Variants in SORBS3 observed in about 807,000 individuals in gnomAD.
The protein encoded by SORBS3 is sorbin and SH3 domain containing 3.
Under a neutral mutation model 98.0 loss-of-function variants are expected in SORBS3, and 69 were observed. The ratio of observed to expected loss-of-function variants is 0.70; its 90% CI spans 0.58 to 0.86. The LOEUF (loss-of-function observed/expected upper bound fraction) is 0.86, where lower values mean the gene tolerates loss of function less well. SORBS3 is among the 40% of genes least tolerant of loss of function. The pLI, the probability that SORBS3 is intolerant of heterozygous loss-of-function variation, is 0.00. For missense variants in SORBS3, 954 were observed against 908.5 expected (o/e 1.05, Z -0.64); for synonymous variants, 394 against 355.4 (o/e 1.11, Z -1.22).
chr8:22,573,859 C>T (rs1334951758), intron 20 of SORBS3, among the ~76,000 whole-genome samples: 4 of 152,044 alleles, frequency 2.6e-5, no homozygotes, highest in Admixed American at 1.3e-4. Flanking sequence ...TTCTCCATTC[C>T]CTCTTCCTCC....
upstream of SORBS3, chr8:22,551,793 C>G (rs948901271): frequency 2.7e-5 from 27 of 985,692 alleles, no homozygotes; most frequent in Non-Finnish European, 3.0e-5. This position sits in a 1 kb window ranked among gnomAD's most constrained non-coding sequence, Gnocchi z 5.8. Context: ...CCGCCCGCCC[C>G]GCCGCGCGAC....
In SORBS3 at chr8:22,564,375, T is replaced by G. The variant is rs761047229; in HGVS notation, c.762+6T>G. ...AACTAGAGACTGGGCAGAGGGTGAG[T>G]GCTGGCTGGCTCTCGGGGTGTGCAC... On this transcript the variant is annotated splice_donor_region_variant and intron_variant, in intron 9 of 20. Transcript: ENST00000240123. 18 of 1,613,792 alleles carry G rather than the reference T, an allele frequency of 1.1e-5. No homozygotes were observed. The highest frequency in any genetic ancestry group is 1.5e-5 in the Non-Finnish European group (18 of 1,179,816).
At chr8:22,557,511 G>T (rs552999068) in intron 4 of SORBS3, among the ~76,000 whole-genome samples, 2 of 152,186 alleles carry the variant, frequency 1.3e-5, no homozygotes, top group South Asian at 2.1e-4. Context: ...CTACATTATT[G>T]CTGTCATTTT....
At chr8:22,558,585 C>T (rs773747438) in intron 5 of SORBS3, among the ~76,000 whole-genome samples, 2 of 152,214 alleles carry the variant, frequency 1.3e-5, no homozygotes, top group East Asian at 1.9e-4. Context: ...GAGCTGGCTC[C>T]GAGGTCACCC....
At chr8:22,558,804 T>A (rs921404700) in intron 5 of SORBS3, among the ~76,000 whole-genome samples, 1 of 152,034 alleles carries the variant, frequency 6.6e-6, no homozygotes, top group Admixed American at 6.5e-5. Flanking sequence ...GCCAGGAAGG[T>A]CATTTGTAAG....
chr8:22,567,636 A>G (rs1035994817), intron 16 of SORBS3, among the ~76,000 whole-genome samples: 5 of 152,170 alleles, frequency 3.3e-5, no homozygotes, highest in Middle Eastern at 3.2e-3. Flanking sequence ...TTCAGTGAAA[A>G]GTTATTAAGT....
chr8:22,565,311 A>G lies in SORBS3; in HGVS notation c.860A>G (p.Asp287Gly). ...RELAELSAEL[D>G]KDLRAIETRL... Reference sequence around the variant, plus strand: ...CTGGCCGAGCTGAGCGCCGAGCTGGACAAGGACCTGCGGGCAATTGAGACC... The same window carrying G: ...CTGGCCGAGCTGAGCGCCGAGCTGGGCAAGGACCTGCGGGCAATTGAGACC... The change falls in exon 11 of 21, where the codon GAC becomes GGC. Residue 287 changes from aspartate to glycine, a missense_variant. Transcript: ENST00000240123. The G allele has an allele frequency of 6.4e-7, 1 of 1,560,056 alleles. No homozygotes were observed. The highest frequency in any genetic ancestry group is 8.7e-7 in the Non-Finnish European group (1 of 1,152,376).
intron 1 of SORBS3, among the ~76,000 whole-genome samples, chr8:22,552,567 C>T (rs1840102802): frequency 6.6e-6 from 1 of 152,148 alleles, no homozygotes; most frequent in Non-Finnish European, 1.5e-5. Context: ...GATGGGGGCA[C>T]CAAGGGTAAG....
chr8:22,558,220 C>A, intron 5 of SORBS3, 28 bp downstream of exon 5: 1 of 1,609,474 alleles, frequency 6.2e-7, no homozygotes, highest in Non-Finnish European at 8.5e-7. Context: ...GGCCCTCTCC[C>A]TGCCAAAGTG....
intron 10 of SORBS3, 36 bp from the exon 11 acceptor site, chr8:22,565,232 G>T (rs985692806): frequency 3.9e-6 from 6 of 1,524,474 alleles, no homozygotes; most frequent in African/African-American, 1.4e-5. Flanking sequence ...CCCACGGTGC[G>T]CTGCCCCTCA....
At chr8:22,572,925 G>T (rs1332314301) in intron 20 of SORBS3, among the ~76,000 whole-genome samples, 1 of 152,246 alleles carries the variant, frequency 6.6e-6, no homozygotes, top group Non-Finnish European at 1.5e-5. Flanking sequence ...GGAAGCCTCA[G>T]GTTGGCCTCA....
At position 22,566,325 on chromosome 8, in the gene SORBS3, A is replaced by G; in HGVS notation, c.951-20A>G. The G allele has an allele frequency of 6.2e-7, 1 of 1,609,978 alleles. No homozygotes were observed. The highest frequency in any genetic ancestry group is 8.5e-7 in the Non-Finnish European group (1 of 1,178,354). On this transcript the variant is annotated intron_variant, in intron 12 of 20. Coordinates refer to ENST00000240123, the MANE Select transcript of SORBS3 (RefSeq NM_005775.5). ...GTGCGGAGCCCCAGGCTGGAGGCTC[A>G]GTCTCTGTGCCCCGTGCAGCCCGGC...
chr8:22,565,648 C>G, intron 11 of SORBS3, 178 bp from the exon 12 acceptor site: 1 of 1,179,066 alleles, frequency 8.5e-7, no homozygotes. Context: ...TCGGGGACCC[C>G]CGCCCCTTCC....
At chr8:22,558,098 G>A in intron 4 of SORBS3, 31 bp from the exon 5 acceptor site, 1 of 1,611,218 alleles carries the variant, frequency 6.2e-7, no homozygotes. Flanking sequence ...GAATAAGCAG[G>A]GAGGACTGAC....
At chr8:22,560,056 C>CA (rs968530613) in intron 5 of SORBS3, among the ~76,000 whole-genome samples, 30,726 of 96,396 alleles carry the variant, frequency 0.32, 3,442 homozygotes, top group Middle Eastern at 0.38. Flanking sequence ...GACTCAGTCT[C>CA]AAAAAAAAAA....
chr8:22,555,891 A>G (rs1327701658), intron 3 of SORBS3, among the ~76,000 whole-genome samples: 3 of 152,158 alleles, frequency 2.0e-5, no homozygotes, highest in Non-Finnish European at 4.4e-5. Flanking sequence ...AAAAACACCC[A>G]CACAATTATG....
intron 5 of SORBS3, among the ~76,000 whole-genome samples, chr8:22,560,056 CAAAAA>C (rs968530613): frequency 3.1e-5 from 3 of 96,736 alleles, no homozygotes; most frequent in African/African-American, 1.2e-4. Context: ...GACTCAGTCT[CAAAAA>C]AAAAAAAAAA....
At chr8:22,574,170 TTC>T (rs1491158012) in intron 20 of SORBS3, among the ~76,000 whole-genome samples, 3 of 135,302 alleles carry the variant, frequency 2.2e-5, no homozygotes, top group African/African-American at 9.8e-5. Flanking sequence ...CCCGCTGGGG[TTC>T]CCCCCCCTCC....
chr8:22,564,393 G>A, intron 9 of SORBS3, 24 bp downstream of exon 9: 1 of 1,613,674 alleles, frequency 6.2e-7, no homozygotes, highest in Non-Finnish European at 8.5e-7. Flanking sequence ...GGCTCTCGGG[G>A]TGTGCACGCA....
Sources: allele counts gnomAD v4.1 joint callset (sites outside exome capture counted in the v4.1 genomes callset), GRCh38; gene constraint gnomAD v4.1.1; non-coding constraint Gnocchi (gnomAD v3.1); transcripts MANE v1.5; gene names NCBI Gene and HGNC (gene_info 2026-07-23, HGNC 2026-07-21).